Variants in PCSK1 observed in about 807,000 individuals in gnomAD.
PCSK1 encodes the protein proprotein convertase subtilisin/kexin type 1.
A neutral mutation model predicts 90.6 loss-of-function variants in PCSK1; 56 were observed. That is an observed-to-expected ratio of 0.62 (90% CI 0.50 to 0.77). The LOEUF is 0.77. Among genes scored for constraint, PCSK1 ranks in the 30% least tolerant of loss-of-function variants. PCSK1 has a pLI of 0.00. For missense variants in PCSK1, 801 were observed against 932.6 expected, an observed-to-expected ratio of 0.86 and a Z score of 1.84; for synonymous variants, 348 against 342.4, an observed-to-expected ratio of 1.02 and a Z score of -0.18.
intron 6 of PCSK1, among the ~76,000 whole-genome samples, chr5:96,412,752 G>GTTTTTTTTTTTTGGTT (rs1760803510): frequency 1.4e-5 from 1 of 71,832 alleles, no homozygotes; most frequent in African/African-American, 9.0e-5. Flanking sequence ...CAGCTGTGAT[G>GTTTTTTTTTTTTGGTT]TTTTTTTTTT....
intron 9 of PCSK1, among the ~76,000 whole-genome samples, chr5:96,402,339 T>C (rs892271129): frequency 6.6e-6 from 1 of 152,212 alleles, no homozygotes; most frequent in Non-Finnish European, 1.5e-5. Context: ...GAGAGGAGTT[T>C]CCATGAAGGC....
In PCSK1 at chr5:96,432,872, A is replaced by G; in HGVS notation, c.171T>C (p.Leu57=). ...SAIAEELGYD[L]LGQIGSLENH... is the part of the protein sequence containing the mutation. ...AAGTGGAAACTCTTACCTGACCCAA[A>G]AGGTCATAGCCCAGCTCCTCGGCGA... is the stretch of plus-strand genomic sequence containing the variant. The change falls in exon 1 of 14, where the codon CTT becomes CTC. Residue 57 remains leucine (L), a synonymous_variant. Coordinates refer to ENST00000311106, the MANE Select transcript of PCSK1 (RefSeq NM_000439.5). 6.2e-7 allele frequency: 1 copy of G among 1,613,356 alleles called. No homozygotes were observed.
chr5:96,397,537 A>T lies in PCSK1; in HGVS notation c.1589-68T>A, dbSNP rs1034973007. 9 of 1,396,332 alleles carry T rather than the reference A, an allele frequency of 6.4e-6. No individual in the cohort carries two copies. The Admixed American group carries it at 1.0e-4, about 16-fold the overall frequency. The allele number at this position is 1,396,332 out of a possible 1,614,324, so 86.5% of individuals were successfully genotyped here. On this transcript the variant is annotated intron_variant, in intron 11 of 13. Transcript: ENST00000311106. ...ATAGTAGGATACACTCTAGCATCTG[A>T]TAACTGAAAATAAAAGCTGAAAAAG... is the stretch of plus-strand genomic sequence containing the variant.
At chr5:96,428,202 C>T (rs1761378595) in intron 2 of PCSK1, among the ~76,000 whole-genome samples, 1 of 152,150 alleles carries the variant, frequency 6.6e-6, no homozygotes, top group Admixed American at 6.5e-5. Flanking sequence ...TTACAGTCCT[C>T]ATGAATTTCG....
Position 96,423,376 on chromosome 5 carries a change from T to C in PCSK1, c.480A>G (p.Gly160=). The C allele has an allele frequency of 6.2e-7, 1 of 1,613,952 alleles. No homozygotes were observed. The part of the protein sequence containing the change: ...PVWQKGITGK[G]VVITVLDDGL... ...CATCATCCAGTACGGTGATAACAAC[T>C]CCTTTGCCCGTAATGCCTTTTTGCC... Residue 160 remains glycine (G), a synonymous_variant, in exon 4 of 14, where the codon GGA becomes GGG. Transcript: ENST00000311106.
intron 5 of PCSK1, among the ~76,000 whole-genome samples, chr5:96,420,787 AAGAGAGAG>A (rs34161803): frequency 7.0e-6 from 1 of 143,352 alleles, no homozygotes; most frequent in Non-Finnish European, 1.5e-5. Context: ...GAGAGAGAGA[AAGAGAGAG>A]AGAGAGAGAG....
rs1172040135 is a variant in PCSK1, at chr5:96,400,202, C to T, written c.1197-16G>A. ...GAGATTTGGGCTGGAGGGGAAGTGA[C>T]CCAAAGTGTCTTTCAGAGAAAAATG... is the stretch of plus-strand genomic sequence containing the variant. On this transcript the variant is annotated splice_polypyrimidine_tract_variant and intron_variant, in intron 9 of 13. Transcript: ENST00000311106. The T allele has an allele frequency of 1.3e-6, 2 of 1,564,384 alleles. No individual in the cohort carries two copies. Among genetic ancestry groups the T allele is most frequent in the Non-Finnish European group, 1.8e-6 (2 of 1,134,770 alleles).
intron 4 of PCSK1, 106 bp downstream of exon 4, chr5:96,423,207 A>G: frequency 9.0e-7 from 1 of 1,108,060 alleles, no homozygotes; most frequent in South Asian, 1.3e-5. Flanking sequence ...CCATAATCCC[A>G]GGGACTGACA....
At chr5:96,393,574 A>T (rs1249097629) in intron 13 of PCSK1, among the ~76,000 whole-genome samples, 196 bp from the exon 14 acceptor site, 3 of 151,888 alleles carry the variant, frequency 2.0e-5, no homozygotes, top group Non-Finnish European at 1.5e-5. Context: ...ACCTTTAACA[A>T]CCTTTTTAAT....
chr5:96,409,259 C>T (rs545026241), intron 8 of PCSK1, among the ~76,000 whole-genome samples: 2 of 152,140 alleles, frequency 1.3e-5, no homozygotes, highest in South Asian at 2.1e-4. Flanking sequence ...AGTTCTAGCT[C>T]GAGATTTCGA....
At position 96,396,919 on chromosome 5, in the gene PCSK1, G is replaced by C. The variant is rs146121297; in HGVS notation, c.1722+417C>G. 3.3e-3 allele frequency among the ~76,000 whole-genome samples: 498 copies of C among 152,330 alleles called. 1 individual carries two copies. Among genetic ancestry groups the C allele is most frequent in the Non-Finnish European group, 6.0e-3 (405 of 68,024 alleles). ...CCAAACATTAAGCTACATCTAAATA[G>C]CTATTGCAGAATAATCATAAGCATG... On this transcript the variant is annotated intron_variant, in intron 12 of 13. Transcript: ENST00000311106.
At chr5:96,425,052 GAAAGAAAGAAAGAAAGAAAGA>G in intron 3 of PCSK1, among the ~76,000 whole-genome samples, 1 of 119,252 alleles carries the variant, frequency 8.4e-6, no homozygotes, top group Non-Finnish European at 1.9e-5. Flanking sequence ...AAGAAAGAAA[GAAAGAAAGAAAGAAAGAAAGA>G]AAACGTAGGG....
rs140481124 is a variant in PCSK1 at position 96,400,038 on chromosome 5, G to C, written c.1345C>G (p.Leu449Val). 5.6e-6 allele frequency: 9 copies of C among 1,614,012 alleles called. No individual in the cohort carries two copies. The highest frequency in any genetic ancestry group is 7.6e-6 in the Non-Finnish European group (9 of 1,180,028). The change falls in exon 10 of 14, where the codon CTG (leucine) becomes GTG (valine). Residue 449 changes from leucine (L) to valine (V), a missense_variant. Leu to Val is a conservative substitution (Grantham distance 32). Coordinates refer to ENST00000311106, the MANE Select transcript of PCSK1 (RefSeq NM_000439.5). ...GTCCTGGGGTCAGCTAAATCCACCA[G>C]AGCTTTGGCATTTAGCAAGCCAAAT... ...FGFGLLNAKA[L>V]VDLADPRTWR...
chr5:96,412,438 A>T lies in PCSK1; in HGVS notation c.762T>A (p.Ile254=). 1.2e-6 allele frequency: 2 copies of T among 1,614,048 alleles called. No individual in the cohort carries two copies. The highest frequency in any genetic ancestry group is 1.7e-6 in the Non-Finnish European group (2 of 1,179,930). The part of the protein sequence containing the change: ...IVTDAIEASS[I]GFNPGHVDIY... ...TATCCACGTGTCCAGGATTGAATCC[A>T]ATTGAACTGGCCTCAATAGCATCCG... is the stretch of plus-strand genomic sequence containing the variant. The change falls in exon 7 of 14, where the codon ATT becomes ATA. Residue 254 remains isoleucine (I), a synonymous_variant. Transcript: ENST00000311106.
In PCSK1 at chr5:96,423,518, G is replaced by A. The variant is rs748310168; in HGVS notation, c.397-59C>T. 3.9e-6 allele frequency: 6 copies of A among 1,519,614 alleles called. No homozygotes were observed. In the African/African-American group the frequency reaches 5.5e-5, roughly 14 times the overall value. The allele number at this position is 1,519,614 out of a possible 1,614,324, so 94.1% of individuals were successfully genotyped here. A position where few individuals can be genotyped will look rare whatever the true frequency, so the allele number is the denominator to read the frequency against. ...TTATCATTTGCTTGCTACAAAATGG[G>A]CACTTCAGTTCCAACCTGGAGACCC... is the stretch of plus-strand genomic sequence containing the variant. On this transcript the variant is annotated intron_variant, in intron 3 of 13. Coordinates refer to ENST00000311106, the MANE Select transcript of PCSK1 (RefSeq NM_000439.5).
chr5:96,418,101 A>G (rs79676745), intron 5 of PCSK1, among the ~76,000 whole-genome samples: 3,749 of 152,304 alleles, frequency 0.025, 151 homozygotes, highest in African/African-American at 0.086. Flanking sequence ...CTCCTTGTAT[A>G]TGGACGACTA....
At chr5:96,394,264 T>C (rs1183570805) in intron 13 of PCSK1, among the ~76,000 whole-genome samples, 2 of 152,174 alleles carry the variant, frequency 1.3e-5, no homozygotes, top group Non-Finnish European at 2.9e-5. Flanking sequence ...CACCATCTGA[T>C]AGAAGGAAGC....
intron 3 of PCSK1, among the ~76,000 whole-genome samples, chr5:96,424,113 A>C (rs1761211052): frequency 6.6e-6 from 1 of 152,216 alleles, no homozygotes; most frequent in African/African-American, 2.4e-5. Context: ...GCAAGGGAAC[A>C]CAGATATAAG....
In PCSK1 at chr5:96,420,820, A is replaced by G. The variant is rs186056907; in HGVS notation, c.620+1060T>C. On this transcript the variant is annotated intron_variant, in intron 5 of 13. Coordinates refer to ENST00000311106, the MANE Select transcript of PCSK1 (RefSeq NM_000439.5). ...GAGAGAGAGAGAGAGACAGAGACAGACTTGTCTGACCCAAGTTGGGTAACA... is the reference window on the plus strand; with the variant it reads ...GAGAGAGAGAGAGAGACAGAGACAGGCTTGTCTGACCCAAGTTGGGTAACA... Among the ~76,000 whole-genome samples, 344 of 152,146 alleles carry G rather than the reference A, an allele frequency of 2.3e-3. 4 individuals are homozygous for G. The South Asian group carries it at 0.034, about 15-fold the overall frequency.
Sources: allele counts gnomAD v4.1 joint callset (sites outside exome capture counted in the v4.1 genomes callset), GRCh38; gene constraint gnomAD v4.1.1; transcripts MANE v1.5; gene names NCBI Gene and HGNC (gene_info 2026-07-23, HGNC 2026-07-21).